The following DAB2IP variants were observed in gnomAD, a reference collection of about 807,000 sequenced individuals.
The protein encoded by DAB2IP is disabled homolog 2-interacting protein.
A neutral mutation model predicts 107.2 loss-of-function variants in DAB2IP; 28 were observed. The observed-to-expected ratio is 0.26, with a 90% CI of 0.19 to 0.36. DAB2IP has a LOEUF of 0.36. DAB2IP is among the 10% of genes least tolerant of loss of function. The pLI is 1.00. For missense variants in DAB2IP, 1,400 were observed against 1,644.7 expected, an observed-to-expected ratio of 0.85 and a Z score of 2.57; for synonymous variants, 755 against 706.4, an observed-to-expected ratio of 1.07 and a Z score of -1.09.
chr9:121,635,684 G>C lies in DAB2IP; in HGVS notation c.41-42994G>C, dbSNP rs557242019. Among the ~76,000 whole-genome samples, 1 of 152,190 alleles carries C rather than the reference G, an allele frequency of 6.6e-6. No individual in the cohort carries two copies. The highest frequency in any genetic ancestry group is 1.5e-5 in the Non-Finnish European group (1 of 68,040). On this transcript the variant is annotated intron_variant, in intron 1 of 16. Transcript: ENST00000259371. This position sits in a 1 kb window ranked among gnomAD's most constrained non-coding sequence, Gnocchi z 4.3. The stretch of plus-strand genomic sequence containing the variant: ...AGAAAGGATATCCAGAGCTAGAGAG[G>C]GTGGGGCTTGAGGGTGGAGGCCATT...
chr9:121,712,248 T>C (rs1830372078), intron 3 of DAB2IP, among the ~76,000 whole-genome samples: 1 of 152,198 alleles, frequency 6.6e-6, no homozygotes, highest in African/African-American at 2.4e-5. Context: ...TCTTCCAGGA[T>C]CCACACATGG....
At position 121,725,121 on chromosome 9, in the gene DAB2IP, G is replaced by A. The variant is rs546142399; in HGVS notation, c.362+25663G>A. Among the ~76,000 whole-genome samples, 6 of 152,302 alleles carry A rather than the reference G, an allele frequency of 3.9e-5. No homozygotes were observed. In the East Asian group the frequency reaches 1.2e-3, roughly 29 times the overall value. ...TCCCAGAGGAGCTCAGGCCTGGCCC[G>A]GCTTCCCAGGGTGGAGAAACACATG... On this transcript the variant is annotated intron_variant, in intron 3 of 15. Coordinates refer to ENST00000408936, the Ensembl canonical transcript of DAB2IP.
At position 121,699,017 on chromosome 9, in the gene DAB2IP, CG is replaced by C. The variant is rs1180400947; in HGVS notation, c.229-302del. Among the ~76,000 whole-genome samples, 20 of 151,140 alleles carry C rather than the reference CG, an allele frequency of 1.3e-4. 1 individual carries two copies. The highest frequency in any genetic ancestry group is 3.9e-4 in the African/African-American group (16 of 41,402). ...CGGTACTCCCCCTCGCCCCGGCGCC[CG>C]GGGGGCTCGGGCAGCCTCGGCCGCG... is the stretch of plus-strand genomic sequence containing the variant. On this transcript the variant is annotated intron_variant, in intron 2 of 15. Coordinates refer to ENST00000408936, the Ensembl canonical transcript of DAB2IP. This position sits in a 1 kb window ranked among gnomAD's most constrained non-coding sequence, Gnocchi z 6.2.
chr9:121,738,287 G>C (rs900647454), intron 3 of DAB2IP, among the ~76,000 whole-genome samples: 3 of 152,122 alleles, frequency 2.0e-5, no homozygotes, highest in African/African-American at 4.8e-5. Context: ...CTGTGCCCTC[G>C]CGCTCTCCCA....
At chr9:121,734,640 T>C (rs1286454229) in intron 3 of DAB2IP, among the ~76,000 whole-genome samples, 1 of 152,152 alleles carries the variant, frequency 6.6e-6, no homozygotes, top group Non-Finnish European at 1.5e-5. Flanking sequence ...TAACAAGATA[T>C]TATAACAGTG....
chr9:121,722,880 CAA>C (rs149469756), intron 3 of DAB2IP, among the ~76,000 whole-genome samples: 1,762 of 152,250 alleles, frequency 0.012, 33 homozygotes, highest in African/African-American at 0.04. Flanking sequence ...CAAAAAGTAA[CAA>C]AACTTCTATG....
chr9:121,578,770 T>C (rs1336352539), intron 1 of DAB2IP, among the ~76,000 whole-genome samples: 6 of 138,834 alleles, frequency 4.3e-5, no homozygotes, highest in African/African-American at 1.7e-4. Flanking sequence ...AGACGAAGTC[T>C]TGCTCTGTCA....
intron 1 of DAB2IP, among the ~76,000 whole-genome samples, chr9:121,573,888 C>A (rs560970052): frequency 7.2e-4 from 109 of 152,236 alleles, no homozygotes; most frequent in African/African-American, 2.5e-3. Context: ...GCCAAAGCTG[C>A]CACCTGGAGG....
intron 3 of DAB2IP, among the ~76,000 whole-genome samples, chr9:121,731,657 A>AT (rs1400555531): frequency 6.6e-6 from 1 of 150,764 alleles, no homozygotes; most frequent in Non-Finnish European, 1.5e-5. Flanking sequence ...GTCATCTCAG[A>AT]TTGCCCAGTG....
At chr9:121,703,229 A>C (rs891849082) in intron 3 of DAB2IP, among the ~76,000 whole-genome samples, 7 of 152,152 alleles carry the variant, frequency 4.6e-5, no homozygotes, top group Non-Finnish European at 8.8e-5. Context: ...CAGTCCCTGG[A>C]GGAGGGAGAG....
chr9:121,579,492 C>T (rs962422956), intron 1 of DAB2IP, among the ~76,000 whole-genome samples: 1 of 152,152 alleles, frequency 6.6e-6, no homozygotes, highest in African/African-American at 2.4e-5. Context: ...TCCTCACACC[C>T]CTGCCCACTG....
chr9:121,734,144 G>C (rs1051072238), intron 3 of DAB2IP, among the ~76,000 whole-genome samples: 1 of 151,014 alleles, frequency 6.6e-6, no homozygotes, highest in South Asian at 2.1e-4. Flanking sequence ...TTGGGAGGCC[G>C]AGGCGGGTGG....
chr9:121,708,736 A>G (rs1294899023), intron 3 of DAB2IP, among the ~76,000 whole-genome samples: 1 of 152,372 alleles, frequency 6.6e-6, no homozygotes, highest in Non-Finnish European at 1.5e-5. Context: ...CAGTAATGCA[A>G]TTCAAGGTCC....
Position 121,635,088 on chromosome 9 carries a change from C to G in DAB2IP, c.41-43590C>G, listed in dbSNP as rs1039200873. Among the ~76,000 whole-genome samples the G allele has an allele frequency of 6.6e-6, 1 of 152,136 alleles. No homozygotes were observed. The highest frequency in any genetic ancestry group is 1.5e-5 in the Non-Finnish European group (1 of 68,020). ...TGTATGTCTATGTGCGAAGGGGAAG[C>G]TTGGCAGAGGGTGGCTATGGAGTGG... On this transcript the variant is annotated intron_variant, in intron 1 of 16. Transcript: ENST00000259371. This position sits in a 1 kb window ranked among gnomAD's most constrained non-coding sequence, Gnocchi z 4.3.
intron 3 of DAB2IP, among the ~76,000 whole-genome samples, chr9:121,715,542 A>G (rs1830555011): frequency 1.3e-5 from 2 of 151,758 alleles, no homozygotes; most frequent in African/African-American, 4.8e-5. Flanking sequence ...TTTAGTACAG[A>G]CAGGGTTTCA....
intron 1 of DAB2IP, among the ~76,000 whole-genome samples, chr9:121,677,440 C>T (rs1432220034): frequency 6.6e-6 from 1 of 152,008 alleles, no homozygotes; most frequent in African/African-American, 2.4e-5. Context: ...GAGGATTGCT[C>T]GAGCCTAGGA....
chr9:121,758,645 G>A (rs987344288), intron 4 of DAB2IP, among the ~76,000 whole-genome samples: 1 of 152,182 alleles, frequency 6.6e-6, no homozygotes, highest in Non-Finnish European at 1.5e-5. Flanking sequence ...ACTGAGGGAC[G>A]AGTGAGGAGC....
At chr9:121,750,536 A>G (rs1027962437) in intron 3 of DAB2IP, among the ~76,000 whole-genome samples, 2 of 152,182 alleles carry the variant, frequency 1.3e-5, no homozygotes, top group Admixed American at 6.5e-5. Context: ...CTGAGCTGGA[A>G]GTGGCCTCTC....
At chr9:121,582,230 G>A (rs865854558) in intron 1 of DAB2IP, among the ~76,000 whole-genome samples, 28 of 152,332 alleles carry the variant, frequency 1.8e-4, no homozygotes, top group Admixed American at 7.8e-4. Flanking sequence ...CCGGCTGGGG[G>A]AGAGCAAGCT....
Sources: allele counts gnomAD v4.1 joint callset (sites outside exome capture counted in the v4.1 genomes callset), GRCh38; gene constraint gnomAD v4.1.1; non-coding constraint Gnocchi (gnomAD v3.1); transcripts MANE v1.5; gene names NCBI Gene and HGNC (gene_info 2026-07-23, HGNC 2026-07-21).